The following PCDHGA6 variants were observed in gnomAD, a reference collection of about 807,000 sequenced individuals.
The protein encoded by PCDHGA6 is protocadherin gamma-A6.
Under a neutral mutation model 60.6 loss-of-function variants are expected in PCDHGA6, and 41 were observed. The observed-to-expected ratio is 0.68, with a 90% CI of 0.53 to 0.88. The LOEUF is 0.88. Ranked by LOEUF, PCDHGA6 falls within the 40% of genes least tolerant of loss-of-function variation. The pLI, the probability that PCDHGA6 is intolerant of heterozygous loss-of-function variation, is 0.00. For synonymous variants in PCDHGA6, 594 were observed against 524.4 expected, an observed-to-expected ratio of 1.13 and a Z score of -1.81; for missense variants, 1,312 against 1,203.0, an observed-to-expected ratio of 1.09 and a Z score of -1.34.
At chr5:141,414,334 A>C in intron 1 of PCDHGA6, 1 of 1,613,782 alleles carries the variant, frequency 6.2e-7, no homozygotes, top group Non-Finnish European at 8.5e-7. Flanking sequence ...TGGACAGGTA[A>C]CCTGTTCCAT....
chr5:141,425,956 C>T (rs1221085532), intron 1 of PCDHGA6, among the ~76,000 whole-genome samples: 1 of 152,244 alleles, frequency 6.6e-6, no homozygotes, highest in Non-Finnish European at 1.5e-5. Flanking sequence ...ATACATTAGT[C>T]CAACACATCA....
Position 141,408,776 on chromosome 5 carries a change from C to T in PCDHGA6, c.2424+32269C>T, listed in dbSNP as rs748401410. 54 of 1,611,566 alleles carry T rather than the reference C, an allele frequency of 3.4e-5. No homozygotes were observed. The highest frequency in any genetic ancestry group is 4.4e-5 in the Non-Finnish European group (52 of 1,178,840). On this transcript the variant is annotated intron_variant, in intron 1 of 3. Coordinates refer to ENST00000517434, the MANE Select transcript of PCDHGA6 (RefSeq NM_018919.3). Reference sequence around the variant, plus strand: ...AGTTAATTCCGATGGTGGCAAATACCCAGAGTTATCTCTGGAGAAACTCCT... The same window carrying T: ...AGTTAATTCCGATGGTGGCAAATACTCAGAGTTATCTCTGGAGAAACTCCT...
Position 141,388,955 on chromosome 5 carries a change from C to T in PCDHGA6, c.2424+12448C>T, listed in dbSNP as rs183330174. ...CTCTACCCAACCTAATTATGGAGGA[C>T]GCCGAGCTGGGAACACATATTGCTT... On this transcript the variant is annotated intron_variant, in intron 1 of 3. Transcript: ENST00000517434. 126 of 1,613,914 alleles carry T rather than the reference C, an allele frequency of 7.8e-5. 1 individual carries two copies. In the African/African-American group the frequency reaches 1.3e-3, roughly 17 times the overall value.
intron 1 of PCDHGA6, chr5:141,388,880 G>T: frequency 1.2e-6 from 2 of 1,613,982 alleles, no homozygotes; most frequent in Non-Finnish European, 1.7e-6. Flanking sequence ...GCACAGTGGA[G>T]GTAGAAGTCA....
chr5:141,420,065 G>T, intron 1 of PCDHGA6: 1 of 1,614,018 alleles, frequency 6.2e-7, no homozygotes, highest in East Asian at 2.2e-5. Flanking sequence ...CTCCAAGTCC[G>T]GACCTGTGGG....
At chr5:141,440,841 A>G (rs1361003883) in intron 1 of PCDHGA6, 5 of 152,114 alleles carry the variant, frequency 3.3e-5, no homozygotes, top group Admixed American at 1.3e-4. Flanking sequence ...GTTGAAGCCA[A>G]TGACAACCCT....
intron 1 of PCDHGA6, chr5:141,414,950 TGACCAA>T (rs778670321): frequency 6.2e-7 from 1 of 1,614,030 alleles, no homozygotes; most frequent in South Asian, 1.1e-5. Context: ...GGCTACCTGG[TGACCAA>T]GGTGGTGGCG....
Position 141,477,447 on chromosome 5 carries a change from G to T in PCDHGA6, c.2425-17360G>T, listed in dbSNP as rs779097830. The T allele has an allele frequency of 6.2e-7, 1 of 1,614,098 alleles. No homozygotes were observed. Among genetic ancestry groups the T allele is most frequent in the Non-Finnish European group, 8.5e-7 (1 of 1,180,016 alleles). ...TCCCTCTCAGCCCTTACAATAGTGCGTGTTCAAGTGTCCGACATCAATGAC... is the reference window on the plus strand; with the variant it reads ...TCCCTCTCAGCCCTTACAATAGTGCTTGTTCAAGTGTCCGACATCAATGAC... On this transcript the variant is annotated intron_variant, in intron 1 of 3. Coordinates refer to ENST00000517434, the MANE Select transcript of PCDHGA6 (RefSeq NM_018919.3). This position sits in a 1 kb window ranked among gnomAD's most constrained non-coding sequence, Gnocchi z 4.9.
intron 1 of PCDHGA6, among the ~76,000 whole-genome samples, chr5:141,406,263 TC>T (rs1163660392): frequency 3.9e-5 from 6 of 151,964 alleles, no homozygotes; most frequent in Non-Finnish European, 8.8e-5. Flanking sequence ...CAAACGATCT[TC>T]CTGCTTCAGT....
At chr5:141,405,118 G>C (rs368800698) in intron 1 of PCDHGA6, 2 of 1,613,946 alleles carry the variant, frequency 1.2e-6, no homozygotes, top group Non-Finnish European at 8.5e-7. Flanking sequence ...GGCACTCCTC[G>C]CATCTGCTGC....
chr5:141,482,135 G>T (rs987110875), intron 1 of PCDHGA6, among the ~76,000 whole-genome samples: 1 of 151,836 alleles, frequency 6.6e-6, no homozygotes, highest in African/African-American at 2.4e-5. Context: ...CATATGGCTG[G>T]CATAAAAAGG....
intron 1 of PCDHGA6, among the ~76,000 whole-genome samples, chr5:141,379,889 C>CTTTTTTTTTTTTTTGTTTTTTTTT (rs1775951854): frequency 2.0e-5 from 1 of 50,832 alleles, no homozygotes; most frequent in Non-Finnish European, 3.9e-5. Flanking sequence ...GTGAAAGCCT[C>CTTTTTTTTTTTTTTGTTTTTTTTT]TTTTTTTTTT....
At chr5:141,483,329 A>C (rs1463046335) in intron 1 of PCDHGA6, among the ~76,000 whole-genome samples, 3 of 152,182 alleles carry the variant, frequency 2.0e-5, no homozygotes, top group Non-Finnish European at 2.9e-5. Flanking sequence ...GGAGGCAAAG[A>C]GATCTTATCT....
Position 141,393,196 on chromosome 5 carries a change from A to G in PCDHGA6, c.2424+16689A>G, listed in dbSNP as rs369051018. 9.7e-5 allele frequency: 157 copies of G among 1,613,374 alleles called. No individual in the cohort carries two copies. The highest frequency in any genetic ancestry group is 1.3e-4 in the Non-Finnish European group (149 of 1,179,898). On this transcript the variant is annotated intron_variant, in intron 1 of 3. Coordinates refer to ENST00000517434, the MANE Select transcript of PCDHGA6 (RefSeq NM_018919.3). ...GAAATAGAAATAATTGATATTAACG[A>G]TAATAACCCAAAATTCCAGGTCGAA...
chr5:141,491,072 C>T lies in PCDHGA6; in HGVS notation c.2425-3735C>T, dbSNP rs778221466. The T allele has an allele frequency of 6.2e-7, 1 of 1,614,204 alleles. No individual in the cohort carries two copies. Among genetic ancestry groups the T allele is most frequent in the South Asian group, 1.1e-5 (1 of 91,086 alleles). On this transcript the variant is annotated intron_variant, in intron 1 of 3. Coordinates refer to ENST00000517434, the MANE Select transcript of PCDHGA6 (RefSeq NM_018919.3). The surrounding 1 kb of genome is among the most constrained non-coding windows in gnomAD (Gnocchi z 6.9). ...GCGTGGCTCTCCTACTCACTGTTGCCACAGTCCACAGCCCCAGGACTGTTC... is the reference window on the plus strand; with the variant it reads ...GCGTGGCTCTCCTACTCACTGTTGCTACAGTCCACAGCCCCAGGACTGTTC...
chr5:141,484,763 T>C (rs2099600495), intron 1 of PCDHGA6, among the ~76,000 whole-genome samples: 1 of 151,872 alleles, frequency 6.6e-6, no homozygotes, highest in East Asian at 1.9e-4. Flanking sequence ...TATATATATA[T>C]ATGTTGTCTG....
In PCDHGA6 at chr5:141,431,211, G is replaced by A. The variant is rs1054638121; in HGVS notation, c.2424+54704G>A. The A allele has an allele frequency of 6.2e-7, 1 of 1,614,004 alleles. No individual in the cohort carries two copies. The highest frequency in any genetic ancestry group is 1.7e-5 in the Admixed American group (1 of 60,006). ...AGTGAAAATGCAGCCACTGAGATGC[G>A]GTTCCCTCTACCCCACGCCTGGGAT... On this transcript the variant is annotated intron_variant, in intron 1 of 3. Coordinates refer to ENST00000517434, the MANE Select transcript of PCDHGA6 (RefSeq NM_018919.3). This position sits in a 1 kb window ranked among gnomAD's most constrained non-coding sequence, Gnocchi z 4.8.
In PCDHGA6 at chr5:141,477,531, C is replaced by T. The variant is rs1316982512; in HGVS notation, c.2425-17276C>T. 5 of 1,614,162 alleles carry T rather than the reference C, an allele frequency of 3.1e-6. No homozygotes were observed. Among genetic ancestry groups the T allele is most frequent in the Middle Eastern group, 1.6e-4 (1 of 6,062 alleles). On this transcript the variant is annotated intron_variant, in intron 1 of 3. Transcript: ENST00000517434. This position sits in a 1 kb window ranked among gnomAD's most constrained non-coding sequence, Gnocchi z 4.9. ...GTTTACATTGAAGAAAACAACCTCC[C>T]CGGGGCTCCAATACTAAACCTAAGT... is the stretch of plus-strand genomic sequence containing the variant.
At position 141,375,266 on chromosome 5, in the gene PCDHGA6, G is replaced by GA; in HGVS notation, c.1188dup (p.Ser397IlefsTer67). On this transcript the variant is annotated frameshift_variant, in exon 1 of 4. Transcript: ENST00000517434. LOFTEE classifies it high-confidence loss of function. ...CCCGAGAAGTCTCCCATTTGAATTGGAAAAATCAGTTGGCAATTATTATCG... is the reference window on the plus strand; with the variant it reads ...CCCGAGAAGTCTCCCATTTGAATTGGAAAAAATCAGTTGGCAATTATTATCG... 3 of 1,613,846 alleles carry GA rather than the reference G, an allele frequency of 1.9e-6. No homozygotes were observed. The highest frequency in any genetic ancestry group is 1.7e-6 in the Non-Finnish European group (2 of 1,179,882).
Sources: allele counts gnomAD v4.1 joint callset (sites outside exome capture counted in the v4.1 genomes callset), GRCh38; gene constraint gnomAD v4.1.1; non-coding constraint Gnocchi (gnomAD v3.1); transcripts MANE v1.5; gene names NCBI Gene and HGNC (gene_info 2026-07-23, HGNC 2026-07-21).